Variants in GSK3B observed in about 807,000 individuals in gnomAD.
The protein encoded by GSK3B is glycogen synthase kinase 3 beta, also known as glycogen synthase kinase-3 beta.
In GSK3B, 15 loss-of-function variants were observed where a neutral mutation model predicts 56.4. The observed-to-expected ratio is 0.27, with a 90% CI of 0.18 to 0.41. The LOEUF is 0.41. GSK3B is among the 10% of genes least tolerant of loss of function. The probability of loss-of-function intolerance (pLI) is 1.00; values close to 1 mark genes in which losing one functional copy is unlikely to be tolerated. For missense variants in GSK3B, 300 were observed against 513.4 expected, an observed-to-expected ratio of 0.58 and a Z score of 4.02; for synonymous variants, 181 against 188.9, an observed-to-expected ratio of 0.96 and a Z score of 0.34.
intron 1 of GSK3B, among the ~76,000 whole-genome samples, chr3:120,019,916 C>G (rs2057858178): frequency 6.6e-6 from 1 of 152,212 alleles, no homozygotes; most frequent in South Asian, 2.1e-4. Context: ...TATGGCTTCA[C>G]TAGGCTTTTG....
intron 7 of GSK3B, among the ~76,000 whole-genome samples, chr3:119,900,042 A>G (rs1040610335): frequency 2.6e-5 from 4 of 152,108 alleles, no homozygotes; most frequent in African/African-American, 9.7e-5. Flanking sequence ...ATCTACATAG[A>G]TATCTAGGTT....
intron 10 of GSK3B, among the ~76,000 whole-genome samples, chr3:119,838,449 T>C (rs1225320289): frequency 6.6e-6 from 1 of 152,144 alleles, no homozygotes; most frequent in Non-Finnish European, 1.5e-5. Flanking sequence ...AAAATCAACA[T>C]CCATACCCAC....
chr3:119,926,283 T>C (rs997244451), intron 3 of GSK3B, among the ~76,000 whole-genome samples: 12 of 151,820 alleles, frequency 7.9e-5, no homozygotes, highest in Middle Eastern at 3.4e-3. Flanking sequence ...CTGAAAACCT[T>C]AGAATCATCC....
At chr3:120,060,927 A>G (rs2058231138) in intron 1 of GSK3B, among the ~76,000 whole-genome samples, 1 of 152,192 alleles carries the variant, frequency 6.6e-6, no homozygotes, top group Non-Finnish European at 1.5e-5. Context: ...TATTTATGGT[A>G]ATGCTTCATT....
At chr3:119,936,513 A>G (rs1259017601) in intron 3 of GSK3B, among the ~76,000 whole-genome samples, 1 of 150,948 alleles carries the variant, frequency 6.6e-6, no homozygotes. Context: ...TACCTGGCTA[A>G]TTTTTGTATT....
At chr3:119,879,564 C>A (rs2056356250) in intron 7 of GSK3B, among the ~76,000 whole-genome samples, 1 of 151,742 alleles carries the variant, frequency 6.6e-6, no homozygotes, top group Non-Finnish European at 1.5e-5. Flanking sequence ...GTATAGTCAC[C>A]CTGTTGTGCT....
intron 10 of GSK3B, among the ~76,000 whole-genome samples, chr3:119,831,744 G>T (rs1394662479): frequency 1.3e-5 from 2 of 152,114 alleles, no homozygotes; most frequent in African/African-American, 4.8e-5. Context: ...AGTATGGGGT[G>T]TACAGAGATA....
At chr3:119,999,730 G>GT (rs1553745029) in intron 2 of GSK3B, among the ~76,000 whole-genome samples, 1 of 152,186 alleles carries the variant, frequency 6.6e-6, no homozygotes. Flanking sequence ...TTTGACCTGA[G>GT]TTTTCATAAA....
At chr3:119,925,422 C>T (rs1054652882) in intron 3 of GSK3B, among the ~76,000 whole-genome samples, 1 of 152,136 alleles carries the variant, frequency 6.6e-6, no homozygotes, top group African/African-American at 2.4e-5. Context: ...CAACCTCTAA[C>T]ACTCCTTCTC....
intron 3 of GSK3B, among the ~76,000 whole-genome samples, chr3:119,943,192 G>A (rs1261023267): frequency 6.6e-6 from 1 of 152,136 alleles, no homozygotes; most frequent in African/African-American, 2.4e-5. Flanking sequence ...ATATCATTCA[G>A]TCAAACTGTG....
At chr3:119,920,486 T>C (rs1049784482) in intron 4 of GSK3B, among the ~76,000 whole-genome samples, 5 of 152,178 alleles carry the variant, frequency 3.3e-5, no homozygotes, top group African/African-American at 1.2e-4. Flanking sequence ...TCTGGTGATC[T>C]GCACACATCA....
chr3:119,921,173 C>T (rs892402424), intron 4 of GSK3B, among the ~76,000 whole-genome samples: 4 of 152,156 alleles, frequency 2.6e-5, no homozygotes, highest in African/African-American at 9.7e-5. Flanking sequence ...ATGGAGGATG[C>T]TATGGAATAG....
At chr3:119,829,922 G>C (rs895440435) in intron 10 of GSK3B, among the ~76,000 whole-genome samples, 1 of 151,998 alleles carries the variant, frequency 6.6e-6, no homozygotes, top group Non-Finnish European at 1.5e-5. Context: ...CTTTGATATC[G>C]AAAGTCACAG....
At position 119,843,963 on chromosome 3, in the gene GSK3B, TAACA is replaced by T. The variant is rs1342794547; in HGVS notation, c.1097-614_1097-611del. ...AGCAAATGCCAAAGAACAGAAATCA[TAACA>T]AACAGTCTCTCAGACTACAGTGAAT... On this transcript the variant is annotated intron_variant, in intron 9 of 10. Coordinates refer to ENST00000264235, the MANE Select transcript of GSK3B (RefSeq NM_001146156.2). 5.3e-5 allele frequency among the ~76,000 whole-genome samples: 8 copies of T among 152,264 alleles called. No homozygotes were observed. In the East Asian group the frequency reaches 9.6e-4, roughly 18 times the overall value.
rs2055511650 is a variant in GSK3B, at chr3:119,826,599, G to A, written c.*189C>T. ...ATCTCCCTCAAAGTGAGAATACAAT[G>A]AAATTGGTTTGTATTTATAGATATT... On this transcript the variant is annotated 3_prime_UTR_variant, in exon 11 of 11. Coordinates refer to ENST00000264235, the MANE Select transcript of GSK3B (RefSeq NM_001146156.2). 1 of 487,152 alleles carries A rather than the reference G, an allele frequency of 2.1e-6. No individual in the cohort carries two copies. Among genetic ancestry groups the A allele is most frequent in the Non-Finnish European group, 4.1e-6 (1 of 246,886 alleles). 30.2% of individuals were successfully genotyped at this position (487,152 alleles called of 1,614,324 possible). A position where few individuals can be genotyped will look rare whatever the true frequency, so the allele number is the denominator to read the frequency against.
At chr3:119,970,418 C>G (rs2057354396) in intron 2 of GSK3B, among the ~76,000 whole-genome samples, 1 of 151,940 alleles carries the variant, frequency 6.6e-6, no homozygotes, top group Non-Finnish European at 1.5e-5. Context: ...ATTAGAATAG[C>G]TAAAATTAAA....
At chr3:119,984,700 C>T (rs539592938) in intron 2 of GSK3B, among the ~76,000 whole-genome samples, 16 of 152,160 alleles carry the variant, frequency 1.1e-4, no homozygotes, top group African/African-American at 3.9e-4. Flanking sequence ...CAATAACAGG[C>T]TCTGAAATTG....
At chr3:120,027,092 C>T (rs762581658) in intron 1 of GSK3B, among the ~76,000 whole-genome samples, 6 of 148,914 alleles carry the variant, frequency 4.0e-5, no homozygotes, top group African/African-American at 9.9e-5. Context: ...GCAGCAGGAA[C>T]GGCCAGGCAC....
chr3:119,950,177 GTGA>G (rs1432760718), intron 2 of GSK3B, among the ~76,000 whole-genome samples: 3 of 152,318 alleles, frequency 2.0e-5, no homozygotes, highest in Non-Finnish European at 4.4e-5. Flanking sequence ...GAAAAACTGA[GTGA>G]TGATTTATGT....
Sources: allele counts gnomAD v4.1 joint callset (sites outside exome capture counted in the v4.1 genomes callset), GRCh38; gene constraint gnomAD v4.1.1; transcripts MANE v1.5; gene names NCBI Gene and HGNC (gene_info 2026-07-23, HGNC 2026-07-21).